The following GPC6 variants were observed in gnomAD, a reference collection of about 807,000 sequenced individuals.
GPC6 encodes glypican-6.
Under a neutral mutation model 55.2 loss-of-function variants are expected in GPC6, and 14 were observed. The ratio of observed to expected loss-of-function variants is 0.25; its 90% CI spans 0.17 to 0.40. The LOEUF (loss-of-function observed/expected upper bound fraction) is 0.40. Ranked by LOEUF, GPC6 falls within the 10% of genes least tolerant of loss-of-function variation. The pLI is 1.00. For missense variants in GPC6, 641 were observed against 708.5 expected, an observed-to-expected ratio of 0.90 and a Z score of 1.08; for synonymous variants, 278 against 259.6, an observed-to-expected ratio of 1.07 and a Z score of -0.68.
chr13:93,354,360 T>TTTTGTTTTTG (rs1555293318), intron 1 of GPC6, among the ~76,000 whole-genome samples: 3 of 146,012 alleles, frequency 2.1e-5, no homozygotes, highest in South Asian at 2.3e-4. Context: ...TTTTTTTTTT[T>TTTTGTTTTTG]TTTTTTTTGA....
At chr13:94,240,151 C>T (rs562898039) in intron 4 of GPC6, among the ~76,000 whole-genome samples, 4 of 152,140 alleles carry the variant, frequency 2.6e-5, no homozygotes, top group East Asian at 3.9e-4. Context: ...TTCCCCCTCT[C>T]CTGCCACACT....
At chr13:93,256,686 T>C (rs1000461108) in intron 1 of GPC6, among the ~76,000 whole-genome samples, 1 of 152,192 alleles carries the variant, frequency 6.6e-6, no homozygotes, top group African/African-American at 2.4e-5. Flanking sequence ...TTCTCTGTTA[T>C]GAAAAATACT....
intron 1 of GPC6, among the ~76,000 whole-genome samples, chr13:93,367,580 T>C (rs1006189179): frequency 1.3e-5 from 2 of 152,086 alleles, no homozygotes; most frequent in Non-Finnish European, 2.9e-5. Flanking sequence ...GCATTTCCTT[T>C]CGGCAGTGTT....
At chr13:94,259,481 T>G (rs192099027) in intron 4 of GPC6, among the ~76,000 whole-genome samples, 7 of 152,300 alleles carry the variant, frequency 4.6e-5, no homozygotes, top group African/African-American at 1.4e-4. Flanking sequence ...TAGCACTATC[T>G]TTTTTTAAAA....
chr13:93,741,317 G>C (rs973136703), intron 2 of GPC6, among the ~76,000 whole-genome samples: 1 of 151,596 alleles, frequency 6.6e-6, no homozygotes, highest in Admixed American at 6.6e-5. Flanking sequence ...GGGTTTCACT[G>C]TGTTAGCCAG....
chr13:93,483,585 C>G (rs1387520978), intron 1 of GPC6, among the ~76,000 whole-genome samples: 3 of 152,050 alleles, frequency 2.0e-5, no homozygotes, highest in Admixed American at 2.0e-4. Context: ...TGCAATAATT[C>G]TAACTTAAAT....
chr13:93,828,273 G>A (rs1164722117), intron 2 of GPC6, among the ~76,000 whole-genome samples: 2 of 151,900 alleles, frequency 1.3e-5, no homozygotes, highest in South Asian at 2.1e-4. Context: ...AATCTGTTAC[G>A]CCTTCCACCC....
chr13:93,434,538 G>A (rs1490597127), intron 1 of GPC6, among the ~76,000 whole-genome samples: 2 of 152,134 alleles, frequency 1.3e-5, no homozygotes, highest in African/African-American at 4.8e-5. Context: ...TGGATTGTAA[G>A]CCATGAGTAG....
intron 4 of GPC6, among the ~76,000 whole-genome samples, chr13:94,284,401 A>C (rs2139081890): frequency 6.6e-6 from 1 of 152,194 alleles, no homozygotes; most frequent in East Asian, 1.9e-4. Flanking sequence ...ATGAATATTT[A>C]GAACAAAATG....
At chr13:93,572,024 C>A (rs1170325275) in intron 2 of GPC6, among the ~76,000 whole-genome samples, 2 of 152,138 alleles carry the variant, frequency 1.3e-5, no homozygotes, top group Non-Finnish European at 2.9e-5. Flanking sequence ...ATAATTGAAT[C>A]TTCAAACTAT....
At chr13:93,806,329 A>G (rs1265117173) in intron 2 of GPC6, among the ~76,000 whole-genome samples, 1 of 151,892 alleles carries the variant, frequency 6.6e-6, no homozygotes, top group African/African-American at 2.4e-5. Context: ...ACTTGCCACA[A>G]TTTTATTCAT....
intron 3 of GPC6, among the ~76,000 whole-genome samples, chr13:93,928,671 T>G (rs1364714694): frequency 6.6e-6 from 1 of 152,180 alleles, no homozygotes. Flanking sequence ...AAGCCAGTAC[T>G]CATTTTCTAG....
chr13:93,689,209 C>A (rs1882162439), intron 2 of GPC6, among the ~76,000 whole-genome samples: 1 of 151,888 alleles, frequency 6.6e-6, no homozygotes, highest in African/African-American at 2.4e-5. Context: ...AAGGCAAAAA[C>A]AAAATTAAAA....
At chr13:93,636,069 A>C (rs1879680875) in intron 2 of GPC6, among the ~76,000 whole-genome samples, 1 of 152,168 alleles carries the variant, frequency 6.6e-6, no homozygotes, top group Admixed American at 6.6e-5. Flanking sequence ...GATAGAAAAA[A>C]ATGGGCAATG....
At chr13:93,943,677 C>G (rs60361680) in intron 3 of GPC6, among the ~76,000 whole-genome samples, 4,966 of 152,176 alleles carry the variant, frequency 0.033, 86 homozygotes, top group Middle Eastern at 0.058. Flanking sequence ...ATTTCAAAAG[C>G]CTTTTTAAAA....
At chr13:94,032,436 A>G (rs980805538) in intron 4 of GPC6, among the ~76,000 whole-genome samples, 8 of 152,238 alleles carry the variant, frequency 5.3e-5, no homozygotes, top group Admixed American at 2.0e-4. Flanking sequence ...ATTGTCAAAC[A>G]TAATTGATGT....
intron 4 of GPC6, among the ~76,000 whole-genome samples, chr13:94,048,568 A>G (rs1166613848): frequency 6.6e-6 from 1 of 151,966 alleles, no homozygotes; most frequent in South Asian, 2.1e-4. Context: ...TTCATTAGCC[A>G]TTTCCTTTAC....
chr13:94,234,103 A>C (rs1566574523), intron 4 of GPC6, among the ~76,000 whole-genome samples: 1 of 152,146 alleles, frequency 6.6e-6, no homozygotes, highest in Non-Finnish European at 1.5e-5. Flanking sequence ...AATCTTATTT[A>C]GTCACACCTC....
chr13:93,516,524 A>G (rs898425738), intron 1 of GPC6, among the ~76,000 whole-genome samples: 2 of 152,166 alleles, frequency 1.3e-5, no homozygotes, highest in Non-Finnish European at 2.9e-5. Flanking sequence ...AGAGACAGGC[A>G]TAGGTTTTCA....
Sources: gnomAD v4.1 joint callset for allele counts (sites outside exome capture counted in the v4.1 genomes callset) on GRCh38, gnomAD v4.1.1 for gene constraint, MANE v1.5 for transcripts, NCBI Gene and HGNC (gene_info 2026-07-23, HGNC 2026-07-21) for gene names.